Variants in ZC3H6 observed in about 807,000 individuals in gnomAD.
ZC3H6 encodes zinc finger CCCH domain-containing protein 6.
A neutral mutation model predicts 107.7 loss-of-function variants in ZC3H6; 40 were observed. The ratio of observed to expected loss-of-function variants is 0.37; its 90% CI spans 0.29 to 0.48. The LOEUF is 0.48. Among genes scored for constraint, ZC3H6 ranks in the 20% least tolerant of loss-of-function variants. The pLI is 0.98. For missense variants in ZC3H6, 1,267 were observed against 1,410.4 expected (o/e 0.90, Z 1.63); for synonymous variants, 493 against 487.9 (o/e 1.01, Z -0.14).
chr2:112,336,973 C>G lies in ZC3H6; in HGVS notation c.*4485C>G, dbSNP rs1677145064. The stretch of plus-strand genomic sequence containing the variant: ...TGTTGATGGCTTCCTGACATCCATC[C>G]AAATGTCACTTTTACAGATGCTGTC... On this transcript the variant is annotated 3_prime_UTR_variant, in exon 12 of 12. Transcript: ENST00000409871. 1 of 152,110 alleles carries G rather than the reference C, an allele frequency of 6.6e-6. No homozygotes were observed. The highest frequency in any genetic ancestry group is 6.6e-5 in the Admixed American group (1 of 15,266). 9.4% of individuals were successfully genotyped at this position (152,110 alleles called of 1,614,324 possible).
intron 3 of ZC3H6, among the ~76,000 whole-genome samples, chr2:112,305,949 CTTTATTTA>C (rs1676470425): frequency 6.6e-6 from 1 of 152,012 alleles, no homozygotes; most frequent in Non-Finnish European, 1.5e-5. Flanking sequence ...TCTAATTTGC[CTTTATTTA>C]TTTATTTGAG....
intron 1 of ZC3H6, among the ~76,000 whole-genome samples, chr2:112,293,224 C>T (rs1376714310): frequency 3.3e-5 from 5 of 152,022 alleles, no homozygotes; most frequent in African/African-American, 1.2e-4. Context: ...ATAATATTGC[C>T]CATATATTTG....
In ZC3H6 at chr2:112,333,344, T is replaced by A. The variant is rs570375381; in HGVS notation, c.*856T>A. On this transcript the variant is annotated 3_prime_UTR_variant, in exon 12 of 12. Coordinates refer to ENST00000409871, the MANE Select transcript of ZC3H6 (RefSeq NM_198581.3). ...ATGACTTTGGCGATTTTTAACAAAA[T>A]TTTTAAAGACCCAGTGAGAGTCTGT... 3 of 152,732 alleles carry A rather than the reference T, an allele frequency of 2.0e-5. No individual in the cohort carries two copies. Among genetic ancestry groups the A allele is most frequent in the Non-Finnish European group, 4.4e-5 (3 of 67,978 alleles). 9.5% of individuals were successfully genotyped at this position (152,732 alleles called of 1,614,324 possible).
chr2:112,310,189 G>T, intron 4 of ZC3H6, 28 bp downstream of exon 4: 1 of 1,595,782 alleles, frequency 6.3e-7, no homozygotes, highest in South Asian at 1.1e-5. Context: ...GTCTGTCTTA[G>T]AATGTGAGAA....
chr2:112,319,661 A>G (rs1184195455), intron 7 of ZC3H6, among the ~76,000 whole-genome samples: 7 of 152,098 alleles, frequency 4.6e-5, no homozygotes, highest in Non-Finnish European at 1.0e-4. Context: ...AAAAAAGGAA[A>G]GAAACAATAG....
At chr2:112,329,298 A>G (rs1328064584) in intron 11 of ZC3H6, among the ~76,000 whole-genome samples, 1 of 152,182 alleles carries the variant, frequency 6.6e-6, no homozygotes. Flanking sequence ...TATGCTTTAT[A>G]AATCATGAAA....
intron 1 of ZC3H6, among the ~76,000 whole-genome samples, chr2:112,280,612 T>G (rs1294617816): frequency 6.6e-6 from 1 of 152,000 alleles, no homozygotes; most frequent in Non-Finnish European, 1.5e-5. Context: ...ATAGCACAAG[T>G]ACTATAATGG....
Position 112,275,984 on chromosome 2 carries a change from C to T in ZC3H6, c.-11C>T. On this transcript the variant is annotated 5_prime_UTR_variant, in exon 1 of 12. Transcript: ENST00000409871. ...ACCTGCCCTCCAGCCCCGCCCCGTT[C>T]TTGACCAAACATGACAGACTCTGAA... is the stretch of plus-strand genomic sequence containing the variant. The T allele has an allele frequency of 3.3e-6, 5 of 1,536,692 alleles. No individual in the cohort carries two copies. The highest frequency in any genetic ancestry group is 4.4e-6 in the Non-Finnish European group (5 of 1,141,330).
chr2:112,302,371 G>A lies in ZC3H6; in HGVS notation c.214-858G>A, dbSNP rs1045406826. Among the ~76,000 whole-genome samples the A allele has an allele frequency of 7.2e-5, 11 of 152,172 alleles. No homozygotes were observed. In the South Asian group the frequency reaches 1.2e-3, roughly 17 times the overall value. ...CCATTTAGGAACAAGATGGAGGAAA[G>A]CAATTTGTCTTTCCTAAAATAACAT... On this transcript the variant is annotated intron_variant, in intron 2 of 11. Coordinates refer to ENST00000409871, the MANE Select transcript of ZC3H6 (RefSeq NM_198581.3).
intron 1 of ZC3H6, among the ~76,000 whole-genome samples, chr2:112,293,780 T>C (rs367574655): frequency 6.6e-6 from 1 of 152,236 alleles, no homozygotes; most frequent in Non-Finnish European, 1.5e-5. Context: ...AATCAAGTTA[T>C]CTATCAAGCA....
chr2:112,288,249 A>G (rs1686647283), intron 1 of ZC3H6, among the ~76,000 whole-genome samples: 2 of 151,808 alleles, frequency 1.3e-5, no homozygotes, highest in African/African-American at 4.8e-5. Flanking sequence ...TTTCATTGGT[A>G]TTCTCTGAAG....
At chr2:112,317,930 C>G (rs1376150518) in intron 7 of ZC3H6, among the ~76,000 whole-genome samples, 2 of 152,104 alleles carry the variant, frequency 1.3e-5, no homozygotes, top group Non-Finnish European at 2.9e-5. Flanking sequence ...AGCTTTCCCC[C>G]ACAGAATTGA....
At chr2:112,293,459 G>C (rs145271724) in intron 1 of ZC3H6, among the ~76,000 whole-genome samples, 2,516 of 152,314 alleles carry the variant, frequency 0.017, 72 homozygotes, top group African/African-American at 0.057. Flanking sequence ...ATACTCATCA[G>C]ATTTTACCAC....
rs560390405 is a variant in ZC3H6, at chr2:112,323,031, G to T, written c.1340+129G>T. On this transcript the variant is annotated intron_variant, in intron 9 of 11. Coordinates refer to ENST00000409871, the MANE Select transcript of ZC3H6 (RefSeq NM_198581.3). ...GAGATAGCACATATCTGGCATGCAC[G>T]CAGATTGTTGCTTCCACCTTTGTTT... The T allele has an allele frequency of 3.1e-6, 3 of 971,560 alleles. No homozygotes were observed. The African/African-American group carries it at 4.9e-5, about 16-fold the overall frequency. The allele number at this position is 971,560 out of a possible 1,614,324, so 60.2% of individuals were successfully genotyped here.
chr2:112,331,363 T>C lies in ZC3H6; in HGVS notation c.2445T>C (p.Asn815=). ...TGCATCATGCAAATGCTGGCACTAA[T>C]GTCAAACACAAAAGAGGCGATGATG... The part of the protein sequence containing the change: ...FDLHHANAGT[N]VKHKRGDDDD... The change falls in exon 12 of 12, where the codon AAT becomes AAC. Residue 815 remains asparagine (N), a synonymous_variant. Coordinates refer to ENST00000409871, the MANE Select transcript of ZC3H6 (RefSeq NM_198581.3). 1.2e-6 allele frequency: 2 copies of C among 1,613,808 alleles called. No individual in the cohort carries two copies. The highest frequency in any genetic ancestry group is 2.2e-5 in the East Asian group (1 of 44,886).
intron 3 of ZC3H6, among the ~76,000 whole-genome samples, chr2:112,307,952 A>G (rs1171784452): frequency 6.6e-6 from 1 of 152,246 alleles, no homozygotes; most frequent in Non-Finnish European, 1.5e-5. Flanking sequence ...ATTGATACTC[A>G]TCTATTAACA....
chr2:112,276,842 C>A (rs1686435725), intron 1 of ZC3H6, among the ~76,000 whole-genome samples: 1 of 152,022 alleles, frequency 6.6e-6, no homozygotes, highest in Non-Finnish European at 1.5e-5. Context: ...TTTAATAATG[C>A]GAAAGGGGGG....
chr2:112,276,257 C>A (rs1286348492), intron 1 of ZC3H6, among the ~76,000 whole-genome samples: 2 of 148,870 alleles, frequency 1.3e-5, no homozygotes, highest in Non-Finnish European at 3.0e-5. Context: ...GCCGGCCCCG[C>A]CCCCGGCCGG....
In ZC3H6 at chr2:112,287,640, G is replaced by A. The variant is rs79257134; in HGVS notation, c.32+11614G>A. Among the ~76,000 whole-genome samples, 820 of 151,624 alleles carry A rather than the reference G, an allele frequency of 5.4e-3. 3 individuals are homozygous for A. Among genetic ancestry groups the A allele is most frequent in the African/African-American group, 0.019 (781 of 41,374 alleles). ...TTTTGAGATGGAGTCTTGTTCTGTC[G>A]CCCAGGCTGGAGGTGCAGTGGCACG... On this transcript the variant is annotated intron_variant, in intron 1 of 11. Transcript: ENST00000409871.
Sources: allele counts gnomAD v4.1 joint callset (sites outside exome capture counted in the v4.1 genomes callset), GRCh38; gene constraint gnomAD v4.1.1; transcripts MANE v1.5; gene names NCBI Gene and HGNC (gene_info 2026-07-23, HGNC 2026-07-21).